Variants in ITGA6 observed in about 807,000 individuals in gnomAD.
ITGA6 encodes the protein integrin subunit alpha 6, also known as integrin alpha-6.
Under a neutral mutation model 133.6 loss-of-function variants are expected in ITGA6, and 63 were observed. The observed-to-expected ratio is 0.47, with a 90% CI of 0.38 to 0.58. The LOEUF (loss-of-function observed/expected upper bound fraction) is 0.58, where lower values mean the gene tolerates loss of function less well. Among genes scored for constraint, ITGA6 ranks in the 20% least tolerant of loss-of-function variants. ITGA6 has a pLI of 0.00. For synonymous variants in ITGA6, 434 were observed against 482.0 expected (o/e 0.90, Z 1.30); for missense variants, 1,068 against 1,309.4 (o/e 0.82, Z 2.85).
chr2:172,486,917 A>C, intron 13 of ITGA6, 106 bp from the exon 14 acceptor site: 1 of 723,820 alleles, frequency 1.4e-6, no homozygotes, highest in Admixed American at 2.0e-5. Context: ...TGCATTGGTA[A>C]TTGTCACACA....
At chr2:172,439,438 A>G (rs1684452084) in intron 1 of ITGA6, among the ~76,000 whole-genome samples, 1 of 151,878 alleles carries the variant, frequency 6.6e-6, no homozygotes, top group South Asian at 2.1e-4. Context: ...TCAAAAGGAA[A>G]TAGAATATCT....
intron 1 of ITGA6, among the ~76,000 whole-genome samples, chr2:172,460,602 G>A (rs904566915): frequency 2.0e-5 from 3 of 152,138 alleles, no homozygotes; most frequent in Admixed American, 6.5e-5. Flanking sequence ...AGGTTTGTCC[G>A]GAGTGTGGGG....
chr2:172,479,324 C>A (rs1163739705), intron 9 of ITGA6, among the ~76,000 whole-genome samples: 2 of 152,116 alleles, frequency 1.3e-5, no homozygotes, highest in Non-Finnish European at 2.9e-5. Flanking sequence ...ACTGACGTGT[C>A]TGGAAGAACA....
intron 1 of ITGA6, among the ~76,000 whole-genome samples, chr2:172,450,908 T>TTTATATACAAATATATATTTATA (rs1473147969): frequency 2.0e-5 from 3 of 146,492 alleles, no homozygotes; most frequent in African/African-American, 7.5e-5. Context: ...TATATTTATA[T>TTTATATACAAATATATATTTATA]TATATATAAA....
intron 23 of ITGA6, among the ~76,000 whole-genome samples, chr2:172,494,215 G>A (rs543299359): frequency 1.3e-5 from 2 of 152,246 alleles, no homozygotes; most frequent in Admixed American, 6.5e-5. Context: ...ATAACCCCAC[G>A]AATTTCAAGA....
chr2:172,463,765 T>A (rs912552509), intron 1 of ITGA6, among the ~76,000 whole-genome samples: 1 of 152,148 alleles, frequency 6.6e-6, no homozygotes, highest in Non-Finnish European at 1.5e-5. Context: ...ACTTATCCCT[T>A]CCAGCACCCT....
intron 1 of ITGA6, among the ~76,000 whole-genome samples, chr2:172,431,539 C>T (rs933739259): frequency 3.3e-5 from 5 of 152,200 alleles, no homozygotes; most frequent in African/African-American, 1.2e-4. Context: ...TCTTTGCCTG[C>T]CTCCACCCCA....
chr2:172,497,029 G>A (rs1559156517), intron 23 of ITGA6, among the ~76,000 whole-genome samples: 1 of 152,186 alleles, frequency 6.6e-6, no homozygotes, highest in Non-Finnish European at 1.5e-5. Context: ...GCCATTTCAG[G>A]AAATGTTATT....
At chr2:172,495,152 G>C (rs1261253098) in intron 23 of ITGA6, among the ~76,000 whole-genome samples, 1 of 152,214 alleles carries the variant, frequency 6.6e-6, no homozygotes, top group Non-Finnish European at 1.5e-5. Context: ...GTAATTTAGA[G>C]AAGGTATTTT....
intron 1 of ITGA6, 104 bp downstream of exon 1, chr2:172,428,074 G>C (rs936904853): frequency 5.7e-6 from 7 of 1,227,026 alleles, no homozygotes; most frequent in South Asian, 1.9e-5. Flanking sequence ...TAGTTGGCCC[G>C]TGGGTCGCGC....
At chr2:172,427,516 C>A, upstream of ITGA6, 1 of 893,912 alleles carries the variant, frequency 1.1e-6, no homozygotes, top group Non-Finnish European at 1.4e-6. Flanking sequence ...CAAGGAGGGG[C>A]GAGAGGGTGG....
chr2:172,453,852 T>C (rs766328575), intron 1 of ITGA6, among the ~76,000 whole-genome samples: 1 of 152,226 alleles, frequency 6.6e-6, no homozygotes, highest in Non-Finnish European at 1.5e-5. Context: ...GGATGTCCTG[T>C]AAGTGCTAGG....
chr2:172,469,112 C>A lies in ITGA6; in HGVS notation c.388-13C>A, dbSNP rs1574028. ...TAGACAAGAATGGGCTACTTTCTTC[C>A]ATCTGCTTGCAGACATGTGCTCACC... On this transcript the variant is annotated splice_polypyrimidine_tract_variant and intron_variant, in intron 3 of 25. Coordinates refer to ENST00000684293, the MANE Select transcript of ITGA6 (RefSeq NM_000210.4). 136,337 of 1,613,436 alleles carry A rather than the reference C, an allele frequency of 0.085. 6,361 individuals carry two copies. Among genetic ancestry groups the A allele is most frequent in the Admixed American group, 0.13 (7,844 of 60,008 alleles).
intron 1 of ITGA6, chr2:172,465,270 C>T: frequency 3.8e-6 from 2 of 527,422 alleles, no homozygotes. Flanking sequence ...CCAGATCATA[C>T]CCAGCAAGAA....
intron 2 of ITGA6, among the ~76,000 whole-genome samples, chr2:172,467,031 C>T (rs1304895617): frequency 6.6e-6 from 1 of 152,110 alleles, no homozygotes; most frequent in African/African-American, 2.4e-5. Flanking sequence ...AAGAAGAGAA[C>T]ATTTAATGCT....
chr2:172,469,217 T>C lies in ITGA6; in HGVS notation c.480T>C (p.Asn160=). 2 of 1,614,070 alleles carry C rather than the reference T, an allele frequency of 1.2e-6. No individual in the cohort carries two copies. Among genetic ancestry groups the C allele is most frequent in the South Asian group, 1.1e-5 (1 of 91,074 alleles). ...IFGRCYVLSQ[N]LRIEDDMDGG... ...GGCGGTGTTATGTCCTGAGTCAGAATCTCAGGATTGAAGACGATATGGATG... is the reference window on the plus strand; with the variant it reads ...GGCGGTGTTATGTCCTGAGTCAGAACCTCAGGATTGAAGACGATATGGATG... Residue 160 remains asparagine, a synonymous_variant, in exon 4 of 26, where the codon AAT becomes AAC. Transcript: ENST00000684293.
intron 1 of ITGA6, among the ~76,000 whole-genome samples, chr2:172,453,189 A>G (rs191152592): frequency 2.0e-5 from 3 of 152,256 alleles, no homozygotes; most frequent in East Asian, 1.9e-4. Context: ...AAACAATGCT[A>G]TGTTAATTAT....
intron 9 of ITGA6, among the ~76,000 whole-genome samples, chr2:172,477,053 CT>C (rs1686205241): frequency 1.3e-5 from 2 of 152,152 alleles, no homozygotes; most frequent in Admixed American, 1.3e-4. Context: ...AGGTTCAGAG[CT>C]TATTTAACCA....
chr2:172,463,496 T>G (rs1387387322), intron 1 of ITGA6, among the ~76,000 whole-genome samples: 1 of 152,212 alleles, frequency 6.6e-6, no homozygotes, highest in African/African-American at 2.4e-5. Flanking sequence ...TTTATTTGTG[T>G]AAGTTTTGCC....
Sources: gnomAD v4.1 joint callset for allele counts (sites outside exome capture counted in the v4.1 genomes callset) on GRCh38, gnomAD v4.1.1 for gene constraint, MANE v1.5 for transcripts, NCBI Gene and HGNC (gene_info 2026-07-23, HGNC 2026-07-21) for gene names.